ALG11: variants seen among roughly 807,000 people sequenced by gnomAD.
ALG11 encodes GDP-Man:Man(3)GlcNAc(2)-PP-Dol alpha-1,2-mannosyltransferase.
A neutral mutation model predicts 38.8 loss-of-function variants in ALG11; 26 were observed. The observed-to-expected ratio is 0.67, with a 90% CI of 0.49 to 0.93. The LOEUF is 0.93. Among genes scored for constraint, ALG11 ranks in the 40% least tolerant of loss-of-function variants. ALG11 has a pLI of 0.00. For synonymous variants in ALG11, 199 were observed against 211.6 expected (o/e 0.94, Z 0.52); for missense variants, 535 against 578.8 (o/e 0.92, Z 0.78).
chr13:52,031,369 TAAA>T lies in ALG11; in HGVS notation c.*2783_*2785del, dbSNP rs1593908711. On this transcript the variant is annotated 3_prime_UTR_variant, in exon 4 of 4. Coordinates refer to ENST00000521508, the MANE Select transcript of ALG11 (RefSeq NM_001004127.3). ...TTTTGAATATACCTAATGATTTCCT[TAAA>T]AAAGAAATTTTAAACAGACTTGTTT... 4 of 469,744 alleles carry T rather than the reference TAAA, an allele frequency of 8.5e-6. No individual in the cohort carries two copies. In the South Asian group the frequency reaches 1.7e-4, roughly 19 times the overall value. 29.1% of individuals were successfully genotyped at this position (469,744 alleles called of 1,614,324 possible). A position where few individuals can be genotyped will look rare whatever the true frequency, so the allele number is the denominator to read the frequency against.
intron 1 of ALG11, among the ~76,000 whole-genome samples, chr13:52,015,433 G>A (rs1359459776): frequency 5.9e-5 from 9 of 152,192 alleles, no homozygotes; most frequent in Non-Finnish European, 7.4e-5. Flanking sequence ...TTACTTTTCT[G>A]ATGAATTTGT....
rs770937958 is a variant in ALG11 at position 52,029,323 on chromosome 13, G to T, written c.*733G>T. ...CAGCCATTGCTCCCATTGAACATGCGCTCAGTGGCTGGAAGGCAAGAACTC... is the reference window on the plus strand; with the variant it reads ...CAGCCATTGCTCCCATTGAACATGCTCTCAGTGGCTGGAAGGCAAGAACTC... On this transcript the variant is annotated 3_prime_UTR_variant, in exon 4 of 4. Coordinates refer to ENST00000521508, the MANE Select transcript of ALG11 (RefSeq NM_001004127.3). 6.2e-7 allele frequency: 1 copy of T among 1,614,074 alleles called. No homozygotes were observed. The highest frequency in any genetic ancestry group is 1.3e-5 in the African/African-American group (1 of 74,992).
intron 3 of ALG11, among the ~76,000 whole-genome samples, chr13:52,026,230 A>G (rs1954239287): frequency 6.6e-6 from 1 of 152,204 alleles, no homozygotes. Flanking sequence ...CCCGAACAAT[A>G]GAGGTTAGCC....
intron 1 of ALG11, chr13:52,016,934 A>G (rs1300630445): frequency 6.6e-6 from 1 of 151,908 alleles, no homozygotes; most frequent in Non-Finnish European, 1.5e-5. Flanking sequence ...GCCTGGAAAA[A>G]CCTCAGACAC....
chr13:52,022,462 TTGC>T (rs1213368351), intron 2 of ALG11: 18 of 152,256 alleles, frequency 1.2e-4, no homozygotes, highest in African/African-American at 4.1e-4. Flanking sequence ...AGGCTCATTC[TTGC>T]TGCTGGGTAA....
chr13:52,025,181 A>G (rs1281315106), intron 3 of ALG11, among the ~76,000 whole-genome samples: 1 of 152,210 alleles, frequency 6.6e-6, no homozygotes, highest in Non-Finnish European at 1.5e-5. Flanking sequence ...ATCTAATTTA[A>G]GCCTTTCTAA....
chr13:52,030,692 T>C lies in ALG11; in HGVS notation c.*2102T>C, dbSNP rs1310345003. On this transcript the variant is annotated 3_prime_UTR_variant, in exon 4 of 4. Transcript: ENST00000521508. Reference sequence around the variant, plus strand: ...GGACGTGGACCTGACACTACCTGGCTGGGGCGAGTGGGGTGGTGTGGGCCT... The same window carrying C: ...GGACGTGGACCTGACACTACCTGGCCGGGGCGAGTGGGGTGGTGTGGGCCT... The C allele has an allele frequency of 2.5e-6, 4 of 1,614,080 alleles. No homozygotes were observed. In the East Asian group the frequency reaches 8.9e-5, roughly 36 times the overall value.
In ALG11 at chr13:52,029,995, T is replaced by C. The variant is rs778293530; in HGVS notation, c.*1405T>C. 10 of 1,614,096 alleles carry C rather than the reference T, an allele frequency of 6.2e-6. No individual in the cohort carries two copies. The highest frequency in any genetic ancestry group is 3.3e-5 in the South Asian group (3 of 91,088). ...AGGACCCTGAGCAAGTGCCAGAGCT[T>C]GCAGCTCATGAGGTTTCTGCAAGTG... On this transcript the variant is annotated 3_prime_UTR_variant, in exon 4 of 4. Coordinates refer to ENST00000521508, the MANE Select transcript of ALG11 (RefSeq NM_001004127.3).
At position 52,024,315 on chromosome 13, in the gene ALG11, C is replaced by T; in HGVS notation, c.585C>T (p.Ser195=). 1 of 1,614,138 alleles carries T rather than the reference C, an allele frequency of 6.2e-7. No homozygotes were observed. The highest frequency in any genetic ancestry group is 2.2e-5 in the East Asian group (1 of 44,878). Reference sequence around the variant, plus strand: ...ATATAGGGGGTTGCCAAGTTGGAAGCTATGTTCATTATCCTACTATCAGCA... The same window carrying T: ...ATATAGGGGGTTGCCAAGTTGGAAGTTATGTTCATTATCCTACTATCAGCA... ...FKYIGGCQVG[S]YVHYPTISTD... Residue 195 remains serine, a synonymous_variant, in exon 3 of 4, where the codon AGC becomes AGT. Coordinates refer to ENST00000521508, the MANE Select transcript of ALG11 (RefSeq NM_001004127.3).
rs896302816 is a variant in ALG11, at chr13:52,032,788, T to G, written c.*4198T>G. 1 of 167,086 alleles carries G rather than the reference T, an allele frequency of 6.0e-6. No individual in the cohort carries two copies. Among genetic ancestry groups the G allele is most frequent in the African/African-American group, 2.4e-5 (1 of 41,452 alleles). The allele number at this position is 167,086 out of a possible 1,614,324, so 10.4% of individuals were successfully genotyped here. A position where few individuals can be genotyped will look rare whatever the true frequency, so the allele number is the denominator to read the frequency against. On this transcript the variant is annotated 3_prime_UTR_variant, in exon 4 of 4. Transcript: ENST00000521508. ...GGAACCCTACAGATTAGCCCAGTTC[T>G]CTCTTATTTTCAGCTTTACAGACAA...
In ALG11 at chr13:52,029,231, T is replaced by C; in HGVS notation, c.*641T>C. ...TAAAACCTCACAGGTCCTCTCCAAA[T>C]GGGACCCTATCATCCTGAAGAACCA... On this transcript the variant is annotated 3_prime_UTR_variant, in exon 4 of 4. Transcript: ENST00000521508. 1 of 1,614,138 alleles carries C rather than the reference T, an allele frequency of 6.2e-7. No homozygotes were observed. Among genetic ancestry groups the C allele is most frequent in the Non-Finnish European group, 8.5e-7 (1 of 1,180,024 alleles).
intron 1 of ALG11, among the ~76,000 whole-genome samples, chr13:52,015,083 T>C (rs1308707294): frequency 1.3e-5 from 2 of 152,144 alleles, no homozygotes; most frequent in Non-Finnish European, 2.9e-5. Flanking sequence ...CATGAGAACT[T>C]TATGTCAAAA....
In ALG11 at chr13:52,032,450, C is replaced by G. The variant is rs561660917; in HGVS notation, c.*3860C>G. 29 of 167,168 alleles carry G rather than the reference C, an allele frequency of 1.7e-4. No homozygotes were observed. The highest frequency in any genetic ancestry group is 6.5e-4 in the African/African-American group (27 of 41,560). 10.4% of individuals were successfully genotyped at this position (167,168 alleles called of 1,614,324 possible). A position where few individuals can be genotyped will look rare whatever the true frequency, so the allele number is the denominator to read the frequency against. On this transcript the variant is annotated 3_prime_UTR_variant, in exon 4 of 4. Coordinates refer to ENST00000521508, the MANE Select transcript of ALG11 (RefSeq NM_001004127.3). ...CAGATATGGCTATAAAGACCTATAG[C>G]TTTTGCACTTTATGCATATATAATC...
Position 52,029,212 on chromosome 13 carries a change from CT to C in ALG11, c.*623del, listed in dbSNP as rs774010041. The C allele has an allele frequency of 1.2e-6, 2 of 1,614,028 alleles. No individual in the cohort carries two copies. Among genetic ancestry groups the C allele is most frequent in the Non-Finnish European group, 1.7e-6 (2 of 1,180,036 alleles). On this transcript the variant is annotated 3_prime_UTR_variant, in exon 4 of 4. Transcript: ENST00000521508. ...ACAGAGAAGTAGCATTCAGTAAAACCTCACAGGTCCTCTCCAAATGGGACCC... is the reference window on the plus strand; with the variant it reads ...ACAGAGAAGTAGCATTCAGTAAAACCCACAGGTCCTCTCCAAATGGGACCC...
chr13:52,029,342 A>G lies in ALG11; in HGVS notation c.*752A>G, dbSNP rs775830008. 1 of 1,614,186 alleles carries G rather than the reference A, an allele frequency of 6.2e-7. No individual in the cohort carries two copies. The highest frequency in any genetic ancestry group is 1.1e-5 in the South Asian group (1 of 91,086). Reference sequence around the variant, plus strand: ...ACATGCGCTCAGTGGCTGGAAGGCAAGAACTCCCCTGGAGCAGGAAATTTT... The same window carrying G: ...ACATGCGCTCAGTGGCTGGAAGGCAGGAACTCCCCTGGAGCAGGAAATTTT... On this transcript the variant is annotated 3_prime_UTR_variant, in exon 4 of 4. Transcript: ENST00000521508.
chr13:52,029,274 T>C lies in ALG11; in HGVS notation c.*684T>C. On this transcript the variant is annotated 3_prime_UTR_variant, in exon 4 of 4. Transcript: ENST00000521508. ...AAGAACCAGCAGGCAGAGCAGCTGG[T>C]TTTTCCCCTGGGGAAGGAGCAGCCA... is the stretch of plus-strand genomic sequence containing the variant. The C allele has an allele frequency of 2.5e-6, 4 of 1,614,124 alleles. No homozygotes were observed. The South Asian group carries it at 4.4e-5, about 18-fold the overall frequency.
intron 2 of ALG11, 143 bp from the exon 3 acceptor site, chr13:52,023,863 C>T (rs1160118907): frequency 1.3e-5 from 7 of 554,508 alleles, no homozygotes; most frequent in African/African-American, 3.9e-5. Flanking sequence ...GGCATGATCA[C>T]GGCTCACTGC....
chr13:52,012,523 C>T, intron 1 of ALG11, 61 bp downstream of exon 1: 2 of 1,611,706 alleles, frequency 1.2e-6, no homozygotes, highest in Non-Finnish European at 1.7e-6. Context: ...ACTTGCCCGT[C>T]CAGTGTAGCT....
At position 52,012,409 on chromosome 13, in the gene ALG11, T is replaced by TCGGCGGAAGATGGCGGC. The variant is rs746828347; in HGVS notation, c.-4_13dup. ...GTGAAGCGTTTCCTGAGTTCGGGGGTCGGCGGAAGATGGCGGCCGGCGAAA... is the reference window on the plus strand; with the variant it reads ...GTGAAGCGTTTCCTGAGTTCGGGGGTCGGCGGAAGATGGCGGCCGGCGGAAGATGGCGGCCGGCGAAA... On this transcript the variant is annotated 5_prime_UTR_variant, in exon 1 of 4. The change creates a new upstream start codon in the 5' untranslated region. Transcript: ENST00000521508. The TCGGCGGAAGATGGCGGC allele has an allele frequency of 5.7e-5, 92 of 1,613,776 alleles. No homozygotes were observed. The South Asian group carries it at 9.4e-4, about 17-fold the overall frequency.
Sources: allele counts gnomAD v4.1 joint callset (sites outside exome capture counted in the v4.1 genomes callset), GRCh38; gene constraint gnomAD v4.1.1; transcripts MANE v1.5; gene names NCBI Gene and HGNC (gene_info 2026-07-23, HGNC 2026-07-21).